The following NTN1 variants were observed in gnomAD, a reference collection of about 807,000 sequenced individuals.
NTN1 encodes netrin-1.
In NTN1, 11 loss-of-function variants were observed where a neutral mutation model predicts 54.2. The observed-to-expected ratio is 0.20, with a 90% CI of 0.13 to 0.34. The LOEUF (loss-of-function observed/expected upper bound fraction) is 0.34. NTN1 is among the 10% of genes least tolerant of loss of function. The pLI, the probability that NTN1 is intolerant of heterozygous loss-of-function variation, is 1.00. For synonymous variants in NTN1, 371 were observed against 382.0 expected (o/e 0.97, Z 0.33); for missense variants, 740 against 893.1 (o/e 0.83, Z 2.18).
chr17:9,170,052 G>A (rs1454511954), intron 3 of NTN1, among the ~76,000 whole-genome samples: 2 of 152,148 alleles, frequency 1.3e-5, no homozygotes, highest in Admixed American at 6.5e-5. Flanking sequence ...AGCACTTATG[G>A]GGCCGGGGGC....
At chr17:9,117,766 A>C (rs1367946070) in intron 2 of NTN1, among the ~76,000 whole-genome samples, 1 of 98,280 alleles carries the variant, frequency 1.0e-5, no homozygotes, top group Admixed American at 1.0e-4. Context: ...AACAAACAAA[A>C]AAACCAAAAA....
chr17:9,191,395 G>A (rs539749016), intron 5 of NTN1, among the ~76,000 whole-genome samples: 1 of 152,332 alleles, frequency 6.6e-6, no homozygotes, highest in African/African-American at 2.4e-5. Flanking sequence ...GGGAGGCGGA[G>A]GTTGCGGTGA....
At chr17:9,231,889 G>A (rs1401710068) in intron 6 of NTN1, among the ~76,000 whole-genome samples, 1 of 152,210 alleles carries the variant, frequency 6.6e-6, no homozygotes, top group African/African-American at 2.4e-5. Flanking sequence ...CATTGCTGCT[G>A]AGGGCGCTGG....
chr17:9,143,108 C>T (rs1435003031), intron 2 of NTN1, among the ~76,000 whole-genome samples: 2 of 152,124 alleles, frequency 1.3e-5, no homozygotes, highest in African/African-American at 4.8e-5. Flanking sequence ...GACTGGTGGT[C>T]ATGGTTTTCT....
intron 2 of NTN1, among the ~76,000 whole-genome samples, chr17:9,144,798 C>T (rs1567721339): frequency 6.6e-6 from 1 of 152,236 alleles, no homozygotes; most frequent in Non-Finnish European, 1.5e-5. Flanking sequence ...CCAGCTTCTG[C>T]CTAATGAATC....
At chr17:9,052,350 A>G (rs1276489810) in intron 2 of NTN1, among the ~76,000 whole-genome samples, 1 of 152,158 alleles carries the variant, frequency 6.6e-6, no homozygotes, top group African/African-American at 2.4e-5. Flanking sequence ...GGCATGTTAT[A>G]TGTGCTTTCC....
rs764207822 is a variant in NTN1, at chr17:9,179,993, T to G, written c.1357+37T>G. On this transcript the variant is annotated intron_variant, in intron 4 of 6. Transcript: ENST00000173229. The stretch of plus-strand genomic sequence containing the variant: ...GCACCCTGCTTTTCAAGTCTCTGGC[T>G]TTGTGGGGGACAGTGAGCTTTTGAG... The G allele has an allele frequency of 5.6e-6, 9 of 1,594,128 alleles. No individual in the cohort carries two copies. In the East Asian group the frequency reaches 2.0e-4, roughly 36 times the overall value.
At position 9,219,067 on chromosome 17, in the gene NTN1, A is replaced by G. The variant is rs529883881; in HGVS notation, c.1412-2101A>G. ...CACGCAGAATCGCCAGGACTTACGCACAACCTGGGTTCAGCCCCAGCAGTG... is the reference window on the plus strand; with the variant it reads ...CACGCAGAATCGCCAGGACTTACGCGCAACCTGGGTTCAGCCCCAGCAGTG... On this transcript the variant is annotated intron_variant, in intron 5 of 6. Coordinates refer to ENST00000173229, the MANE Select transcript of NTN1 (RefSeq NM_004822.3). The surrounding 1 kb of genome is among the most constrained non-coding windows in gnomAD (Gnocchi z 4.5). Among the ~76,000 whole-genome samples, 1 of 152,322 alleles carries G rather than the reference A, an allele frequency of 6.6e-6. No individual in the cohort carries two copies. Among genetic ancestry groups the G allele is most frequent in the South Asian group, 2.1e-4 (1 of 4,826 alleles).
chr17:9,218,723 C>T (rs970979769), intron 5 of NTN1, among the ~76,000 whole-genome samples: 10 of 152,168 alleles, frequency 6.6e-5, no homozygotes, highest in African/African-American at 2.2e-4. Flanking sequence ...CTAGGCACCG[C>T]AGTCCCTCCC....
chr17:9,099,330 G>A (rs1339819198), intron 2 of NTN1, among the ~76,000 whole-genome samples: 2 of 152,152 alleles, frequency 1.3e-5, no homozygotes, highest in African/African-American at 2.4e-5. Flanking sequence ...ACTTGAACCC[G>A]GGAGACGGAG....
chr17:9,146,677 G>T (rs139615892), intron 2 of NTN1, among the ~76,000 whole-genome samples: 5 of 152,276 alleles, frequency 3.3e-5, no homozygotes, highest in Admixed American at 2.0e-4. Flanking sequence ...AGAGTGAGGC[G>T]GGACAATGTC....
At chr17:9,091,634 G>T (rs1369656921) in intron 2 of NTN1, among the ~76,000 whole-genome samples, 1 of 151,748 alleles carries the variant, frequency 6.6e-6, no homozygotes, top group African/African-American at 2.4e-5. Context: ...TGTATTTTTA[G>T]TAGAGACGGG....
intron 2 of NTN1, among the ~76,000 whole-genome samples, chr17:9,160,931 C>G (rs1052432880): frequency 2.0e-5 from 3 of 152,234 alleles, no homozygotes; most frequent in Admixed American, 2.0e-4. Flanking sequence ...GCACTCCAGC[C>G]TGGGCAACAG....
intron 2 of NTN1, among the ~76,000 whole-genome samples, chr17:9,083,971 G>A (rs974046106): frequency 6.6e-6 from 1 of 152,236 alleles, no homozygotes; most frequent in Non-Finnish European, 1.5e-5. Flanking sequence ...TGGCTAATGA[G>A]AGCCACCGGG....
chr17:9,203,772 C>T (rs1293394428), intron 5 of NTN1, among the ~76,000 whole-genome samples: 1 of 151,970 alleles, frequency 6.6e-6, no homozygotes, highest in East Asian at 1.9e-4. Flanking sequence ...CACCGCACTC[C>T]AGCCTGGGCA....
chr17:9,012,443 G>A, the NTN1 span, among the ~76,000 whole-genome samples: 1,163 of 151,982 alleles, frequency 7.7e-3, 14 homozygotes, highest in African/African-American at 0.026. Flanking sequence ...CCCGGGAGGC[G>A]GAGGTTGCAG....
chr17:9,092,495 G>A (rs1350301330), intron 2 of NTN1, among the ~76,000 whole-genome samples: 1 of 151,794 alleles, frequency 6.6e-6, no homozygotes, highest in African/African-American at 2.4e-5. Flanking sequence ...TCATGATGTT[G>A]GCCAGGCTGG....
chr17:9,038,963 T>A (rs894989754), intron 2 of NTN1, among the ~76,000 whole-genome samples: 3 of 152,206 alleles, frequency 2.0e-5, no homozygotes, highest in Non-Finnish European at 2.9e-5. Context: ...GATATCCATT[T>A]TTTCATCAAA....
At position 9,068,259 on chromosome 17, in the gene NTN1, G is replaced by A. The variant is rs137915167; in HGVS notation, c.1018+44868G>A. On this transcript the variant is annotated intron_variant, in intron 2 of 6. Coordinates refer to ENST00000173229, the MANE Select transcript of NTN1 (RefSeq NM_004822.3). Reference sequence around the variant, plus strand: ...TACAGTGGTGCGATCACAGCTCACTGCAGCCTTGACCTCCCAGGCTTAAGT... The same window carrying A: ...TACAGTGGTGCGATCACAGCTCACTACAGCCTTGACCTCCCAGGCTTAAGT... Among the ~76,000 whole-genome samples, 7 of 152,166 alleles carry A rather than the reference G, an allele frequency of 4.6e-5. No individual in the cohort carries two copies. The East Asian group carries it at 1.4e-3, about 29-fold the overall frequency.
Sources: gnomAD v4.1 joint callset for allele counts (sites outside exome capture counted in the v4.1 genomes callset) on GRCh38, gnomAD v4.1.1 for gene constraint, Gnocchi (gnomAD v3.1) non-coding constraint, MANE v1.5 for transcripts, NCBI Gene and HGNC (gene_info 2026-07-23, HGNC 2026-07-21) for gene names.